BRSK1: variants seen among roughly 807,000 people sequenced by gnomAD.
The protein encoded by BRSK1 is serine/threonine-protein kinase BRSK1.
In BRSK1, 17 loss-of-function variants were observed where a neutral mutation model predicts 86.2. The ratio of observed to expected loss-of-function variants is 0.20; its 90% CI spans 0.14 to 0.30. BRSK1 has a LOEUF of 0.30. BRSK1 is among the 10% of genes least tolerant of loss of function. BRSK1 has a pLI of 1.00. For synonymous variants in BRSK1, 464 were observed against 440.1 expected, an observed-to-expected ratio of 1.05 and a Z score of -0.68; for missense variants, 719 against 1,071.9, an observed-to-expected ratio of 0.67 and a Z score of 4.60.
chr19:55,307,726 C>T (rs1488614814), intron 17 of BRSK1, among the ~76,000 whole-genome samples: 1 of 133,678 alleles, frequency 7.5e-6, no homozygotes, highest in Non-Finnish European at 1.6e-5. Flanking sequence ...CTCATCTCTA[C>T]AAAACAAACA....
In BRSK1 at chr19:55,306,594, A is replaced by G. The variant is rs73053195; in HGVS notation, c.2089+144A>G. Reference sequence around the variant, plus strand: ...GACTCTCTGTGCTCCTCCTGCCCACACAGACCGCCCCACAAGCCCATCCTC... The same window carrying G: ...GACTCTCTGTGCTCCTCCTGCCCACGCAGACCGCCCCACAAGCCCATCCTC... On this transcript the variant is annotated intron_variant, in intron 17 of 18. Transcript: ENST00000309383. The surrounding 1 kb of genome is among the most constrained non-coding windows in gnomAD (Gnocchi z 4.7). 11,309 of 877,512 alleles carry G rather than the reference A, an allele frequency of 0.013. 91 individuals carry two copies. Among genetic ancestry groups the G allele is most frequent in the Non-Finnish European group, 0.016 (9,359 of 570,198 alleles). The allele number at this position is 877,512 out of a possible 1,614,324, so 54.4% of individuals were successfully genotyped here. A position where few individuals can be genotyped will look rare whatever the true frequency, so the allele number is the denominator to read the frequency against.
chr19:55,293,185 C>T (rs2088434170), intron 4 of BRSK1, among the ~76,000 whole-genome samples: 1 of 151,080 alleles, frequency 6.6e-6, no homozygotes, highest in South Asian at 2.1e-4. Context: ...CATGGTGAAA[C>T]TCTGTCTCTA....
chr19:55,297,997 T>C (rs2088513163), intron 7 of BRSK1, among the ~76,000 whole-genome samples: 1 of 151,884 alleles, frequency 6.6e-6, no homozygotes, highest in Non-Finnish European at 1.5e-5. Flanking sequence ...GTATTTTTAG[T>C]AGAGATGGGG....
chr19:55,309,641 G>C (rs1476371824), intron 18 of BRSK1, among the ~76,000 whole-genome samples: 1 of 152,106 alleles, frequency 6.6e-6, no homozygotes, highest in Non-Finnish European at 1.5e-5. Flanking sequence ...CATTCATGAA[G>C]GCCCCACCCT....
Position 55,284,079 on chromosome 19 carries a change from C to A in BRSK1, c.-364C>A, listed in dbSNP as rs1157280174. 1.7e-6 allele frequency: 1 copy of A among 574,350 alleles called. No individual in the cohort carries two copies. Among genetic ancestry groups the A allele is most frequent in the Non-Finnish European group, 2.5e-6 (1 of 405,304 alleles). The allele number at this position is 574,350 out of a possible 1,614,324, so 35.6% of individuals were successfully genotyped here. On this transcript the variant is annotated 5_prime_UTR_variant, in exon 1 of 19. Coordinates refer to ENST00000309383, the MANE Select transcript of BRSK1 (RefSeq NM_032430.2). ...GGAGGAGGAGGCGGAGGAGAGAGGG[C>A]GCGTGGGGGGGCGGGGGGGACCTCG... is the stretch of plus-strand genomic sequence containing the variant.
rs2088594218 is a variant in BRSK1, at chr19:55,302,955, A to G, written c.1028+88A>G. The G allele has an allele frequency of 3.3e-6, 5 of 1,502,290 alleles. No homozygotes were observed. The East Asian group carries it at 9.5e-5, about 28-fold the overall frequency. The allele number at this position is 1,502,290 out of a possible 1,614,324, so 93.1% of individuals were successfully genotyped here. ...GCACATGCAGAGTGCTGGGCGAGGA[A>G]CCCTGGCCTCTCATGGGGCATGGTT... On this transcript the variant is annotated intron_variant, in intron 10 of 18. Coordinates refer to ENST00000309383, the MANE Select transcript of BRSK1 (RefSeq NM_032430.2). This position sits in a 1 kb window ranked among gnomAD's most constrained non-coding sequence, Gnocchi z 6.3.
At chr19:55,305,224 G>A (rs73053193) in intron 14 of BRSK1, 97 bp from the exon 15 acceptor site, 27,708 of 1,506,376 alleles carry the variant, frequency 0.018, 330 homozygotes, top group Middle Eastern at 0.025. Flanking sequence ...GCAACCCAAG[G>A]CTCTGGAACC....
At position 55,294,443 on chromosome 19, in the gene BRSK1, T is replaced by C. The variant is rs753707281; in HGVS notation, c.678+46T>C. ...CTGTCATTTCTAGATCAATCCCACC[T>C]GGTGGGAGCATAGGACAGTACCTTC... On this transcript the variant is annotated intron_variant, in intron 7 of 18. Transcript: ENST00000309383. The surrounding 1 kb of genome is among the most constrained non-coding windows in gnomAD (Gnocchi z 4.9). 1 of 1,571,536 alleles carries C rather than the reference T, an allele frequency of 6.4e-7. No individual in the cohort carries two copies. The highest frequency in any genetic ancestry group is 2.3e-5 in the East Asian group (1 of 44,426).
chr19:55,296,721 G>T (rs1359362888), intron 7 of BRSK1, among the ~76,000 whole-genome samples: 2 of 152,128 alleles, frequency 1.3e-5, no homozygotes, highest in Admixed American at 6.5e-5. Context: ...GGTGGCGGGC[G>T]CCTGTAGTCC....
chr19:55,299,217 CA>C (rs2088534284), intron 7 of BRSK1, among the ~76,000 whole-genome samples: 3 of 152,242 alleles, frequency 2.0e-5, no homozygotes, highest in Admixed American at 2.0e-4. Context: ...GACTGGTTGA[CA>C]AAAATGTGAC....
At chr19:55,285,225 G>T (rs1464696890) in intron 1 of BRSK1, among the ~76,000 whole-genome samples, 1 of 150,058 alleles carries the variant, frequency 6.7e-6, no homozygotes, top group Non-Finnish European at 1.5e-5. Flanking sequence ...AGGGGCAGGG[G>T]TGCTGAACTC....
Position 55,304,423 on chromosome 19 carries a change from A to G in BRSK1, c.1348-128A>G. 8.5e-7 allele frequency: 1 copy of G among 1,175,640 alleles called. No homozygotes were observed. Among genetic ancestry groups the G allele is most frequent in the Non-Finnish European group, 1.2e-6 (1 of 863,124 alleles). 72.8% of individuals were successfully genotyped at this position (1,175,640 alleles called of 1,614,324 possible). On this transcript the variant is annotated intron_variant, in intron 13 of 18. Transcript: ENST00000309383. This position sits in a 1 kb window ranked among gnomAD's most constrained non-coding sequence, Gnocchi z 5.2. ...ATCCTTGCTCTGGGGCCTGGGAAGG[A>G]GGATACTTGGACTACAAGTTGCAGC...
intron 4 of BRSK1, 75 bp from the exon 5 acceptor site, chr19:55,293,942 C>T: frequency 7.8e-7 from 1 of 1,289,090 alleles, no homozygotes; most frequent in Non-Finnish European, 1.1e-6. Context: ...AAGTGTTCCA[C>T]TGTGAGAGCC....
At position 55,284,421 on chromosome 19, in the gene BRSK1, T is replaced by C. The variant is rs1313482355; in HGVS notation, c.-22T>C. Reference sequence around the variant, plus strand: ...GCAGGGGGGGCGGCCGGGGGACCGGTCGGGCCGGGACCAAGGGCACCATGT... The same window carrying C: ...GCAGGGGGGGCGGCCGGGGGACCGGCCGGGCCGGGACCAAGGGCACCATGT... On this transcript the variant is annotated 5_prime_UTR_variant, in exon 1 of 19. Transcript: ENST00000309383. 7.0e-6 allele frequency: 8 copies of C among 1,142,700 alleles called. No homozygotes were observed. The highest frequency in any genetic ancestry group is 7.4e-5 in the South Asian group (2 of 27,042). 70.8% of individuals were successfully genotyped at this position (1,142,700 alleles called of 1,614,324 possible).
intron 15 of BRSK1, 39 bp from the exon 16 acceptor site, chr19:55,305,424 G>A (rs2088635351): frequency 2.5e-6 from 4 of 1,614,006 alleles, no homozygotes; most frequent in South Asian, 1.1e-5. Flanking sequence ...TGCCCTCGGC[G>A]CCTTCCTAAC....
Position 55,302,291 on chromosome 19 carries a change from G to C in BRSK1, c.857+123G>C. The C allele has an allele frequency of 9.0e-7, 1 of 1,108,504 alleles. No individual in the cohort carries two copies. The highest frequency in any genetic ancestry group is 1.7e-5 in the Admixed American group (1 of 59,180). The allele number at this position is 1,108,504 out of a possible 1,614,324, so 68.7% of individuals were successfully genotyped here. On this transcript the variant is annotated intron_variant, in intron 9 of 18. Transcript: ENST00000309383. The surrounding 1 kb of genome is among the most constrained non-coding windows in gnomAD (Gnocchi z 6.3). ...TGAGAGGCAACGGGCTAGGGACTCGGACTTATGGGTCCTGGGGGAAGAGGA... is the reference window on the plus strand; with the variant it reads ...TGAGAGGCAACGGGCTAGGGACTCGCACTTATGGGTCCTGGGGGAAGAGGA...
At position 55,304,792 on chromosome 19, in the gene BRSK1, G is replaced by C. The variant is rs746580185; in HGVS notation, c.1589G>C (p.Gly530Ala). The C allele has an allele frequency of 6.4e-7, 1 of 1,565,718 alleles. No homozygotes were observed. Among genetic ancestry groups the C allele is most frequent in the East Asian group, 2.4e-5 (1 of 42,092 alleles). ...PLHTPRASPT[G>A]TPGTTPPPSP... Reference sequence around the variant, plus strand: ...CACACGCCCCGGGCCAGTCCCACCGGGACCCCGGGGACAACACCACCCCCC... The same window carrying C: ...CACACGCCCCGGGCCAGTCCCACCGCGACCCCGGGGACAACACCACCCCCC... The change falls in exon 14 of 19, where the codon GGG (glycine) becomes GCG (alanine). Residue 530 changes from glycine to alanine, a missense_variant. Gly to Ala is a moderately conservative substitution (Grantham distance 60, BLOSUM62 0). Transcript: ENST00000309383. The surrounding 1 kb of genome is among the most constrained non-coding windows in gnomAD (Gnocchi z 5.2).
chr19:55,312,259 G>T lies in BRSK1; in HGVS notation c.*191G>T. On this transcript the variant is annotated 3_prime_UTR_variant, in exon 19 of 19. Transcript: ENST00000309383. Reference sequence around the variant, plus strand: ...TGGTTCTAGGGGAACAGGGGGCGGGGGAGCTGTTTCTATTTTATTTATTGA... The same window carrying T: ...TGGTTCTAGGGGAACAGGGGGCGGGTGAGCTGTTTCTATTTTATTTATTGA... 1 of 400,256 alleles carries T rather than the reference G, an allele frequency of 2.5e-6. No individual in the cohort carries two copies. Among genetic ancestry groups the T allele is most frequent in the Non-Finnish European group, 4.4e-6 (1 of 226,768 alleles). 24.8% of individuals were successfully genotyped at this position (400,256 alleles called of 1,614,324 possible).
chr19:55,286,152 TG>T (rs1170666913), intron 1 of BRSK1, among the ~76,000 whole-genome samples: 1 of 13,982 alleles, frequency 7.2e-5, no homozygotes, highest in African/African-American at 3.0e-4. Context: ...AGGAAGGGGC[TG>T]GGGGGGCTGG....
Sources: allele counts gnomAD v4.1 joint callset (sites outside exome capture counted in the v4.1 genomes callset), GRCh38; gene constraint gnomAD v4.1.1; non-coding constraint Gnocchi (gnomAD v3.1); transcripts MANE v1.5; gene names NCBI Gene and HGNC (gene_info 2026-07-23, HGNC 2026-07-21).